MAST1: variants seen among roughly 807,000 people sequenced by gnomAD.
MAST1 encodes the protein microtubule-associated serine/threonine-protein kinase 1.
A neutral mutation model predicts 124.6 loss-of-function variants in MAST1; 40 were observed. The ratio of observed to expected loss-of-function variants is 0.32; its 90% CI spans 0.25 to 0.42. The LOEUF is 0.42. MAST1 is among the 10% of genes least tolerant of loss of function. MAST1 has a pLI of 1.00. For missense variants in MAST1, 1,558 were observed against 2,181.9 expected, an observed-to-expected ratio of 0.71 and a Z score of 5.70; for synonymous variants, 938 against 939.4, an observed-to-expected ratio of 1.00 and a Z score of 0.03.
At chr19:12,855,291 G>A (rs566250254) in intron 10 of MAST1, among the ~76,000 whole-genome samples, 1 of 152,138 alleles carries the variant, frequency 6.6e-6, no homozygotes, top group East Asian at 1.9e-4. Flanking sequence ...AAAGATTTTT[G>A]CTTCAAAATC....
chr19:12,861,652 ATTG>A (rs1355794524), intron 12 of MAST1, among the ~76,000 whole-genome samples: 2 of 147,644 alleles, frequency 1.4e-5, no homozygotes, highest in Non-Finnish European at 3.0e-5. Flanking sequence ...TCACTGGAGC[ATTG>A]TTGTTTTTTT....
At position 12,873,511 on chromosome 19, in the gene MAST1, G is replaced by C; in HGVS notation, c.3451G>C (p.Gly1151Arg). 1 of 1,601,066 alleles carries C rather than the reference G, an allele frequency of 6.2e-7. No individual in the cohort carries two copies. Among genetic ancestry groups the C allele is most frequent in the Non-Finnish European group, 8.5e-7 (1 of 1,176,170 alleles). Residue 1151 changes from glycine (G) to arginine (R), a missense_variant and splice_region_variant, in exon 25 of 26, where the codon GGC (glycine) becomes CGC (arginine). By Grantham distance (125) the Gly-to-Arg change is moderately radical. This residue lies in a region of MAST1 where 291 missense variants were observed against 475.8 expected (regional missense o/e 0.61). Transcript: ENST00000251472. ...CTCCACGCCTGACTCCGCCTACCTA[G>C]GTATTACCTCCTGCACCTGCGCGGG... The part of the protein sequence containing the change: ...YRSTPDSAYL[G>R]ASSQSSSPAS...
chr19:12,869,093 C>T lies in MAST1; in HGVS notation c.2801C>T (p.Ala934Val). 6.2e-7 allele frequency: 1 copy of T among 1,614,194 alleles called. No individual in the cohort carries two copies. Among genetic ancestry groups the T allele is most frequent in the Non-Finnish European group, 8.5e-7 (1 of 1,180,018 alleles). ...AVDPHGSSPL[A>V]SPMSPRSLSS... The stretch of plus-strand genomic sequence containing the variant: ...GACCCACATGGAAGTTCACCCCTTG[C>T]TAGTCCCATGTCTCCACGATCTCTG... The change falls in exon 22 of 26, where the codon GCT (alanine) becomes GTT (valine). Residue 934 changes from alanine (A) to valine (V), a missense_variant. Ala to Val is a moderately conservative substitution (Grantham distance 64). Around this residue, in one of 10 missense-constraint regions of MAST1, gnomAD observed 291 missense variants for 475.8 expected, o/e 0.61. Coordinates refer to ENST00000251472, the MANE Select transcript of MAST1 (RefSeq NM_014975.3).
intron 12 of MAST1, among the ~76,000 whole-genome samples, chr19:12,860,742 C>G (rs553786867): frequency 6.6e-6 from 1 of 152,018 alleles, no homozygotes; most frequent in African/African-American, 2.4e-5. Context: ...CCATAGCTTG[C>G]GGCCCATATA....
rs1028777107 is a variant in MAST1, at chr19:12,852,083, C to G, written c.877-32C>G. On this transcript the variant is annotated intron_variant, in intron 8 of 25. Transcript: ENST00000251472. ...GGGGTGGGTTGGTAGACCCTGGGAG[C>G]CTGTGGTGAGCCCACTCCTGCCCTG... 8 of 1,613,356 alleles carry G rather than the reference C, an allele frequency of 5.0e-6. No individual in the cohort carries two copies. In the African/African-American group the frequency reaches 5.3e-5, roughly 11 times the overall value.
At position 12,873,822 on chromosome 19, in the gene MAST1, C is replaced by G; in HGVS notation, c.3665C>G (p.Pro1222Arg). The G allele has an allele frequency of 6.3e-7, 1 of 1,593,206 alleles. No individual in the cohort carries two copies. The change falls in exon 26 of 26, where the codon CCG (proline) becomes CGG (arginine). Residue 1222 changes from proline to arginine, a missense_variant. Around this residue, in one of 10 missense-constraint regions of MAST1, gnomAD observed 291 missense variants for 475.8 expected, o/e 0.61. Transcript: ENST00000251472. ...ACGCAGGCGTCACCGCCGCCACTGC[C>G]GGGCCACACGGTGGGCAGCTCGCAC... Reference protein sequence around the residue: ...SPTQASPPPLPGHTVGSSHTT... With the variant: ...SPTQASPPPLRGHTVGSSHTT...
At chr19:12,857,483 C>T (rs918601150) in intron 10 of MAST1, among the ~76,000 whole-genome samples, 6 of 151,526 alleles carry the variant, frequency 4.0e-5, no homozygotes, top group African/African-American at 1.5e-4. Context: ...ATGATCTCTG[C>T]TCACTGCAAG....
Position 12,865,177 on chromosome 19 carries a change from A to T in MAST1, c.1637A>T (p.Gln546Leu). 6.2e-7 allele frequency: 1 copy of T among 1,613,734 alleles called. No homozygotes were observed. Among genetic ancestry groups the T allele is most frequent in the Non-Finnish European group, 8.5e-7 (1 of 1,179,834 alleles). ...EKDAREFLDK[Q>L]VCGTPEYIAP... ...GACGCCCGAGAGTTCCTGGACAAAC[A>T]GGTGTGTGTGCGGGCATGGGGGTCG... is the stretch of plus-strand genomic sequence containing the variant. The change falls in exon 14 of 26, where the codon CAG becomes CTG. Residue 546 changes from glutamine (Q) to leucine (L), a missense_variant and splice_region_variant. Physicochemically the swap from Gln to Leu is moderately radical, Grantham distance 113 (BLOSUM62 -2). Coordinates refer to ENST00000251472, the MANE Select transcript of MAST1 (RefSeq NM_014975.3). This position sits in a 1 kb window ranked among gnomAD's most constrained non-coding sequence, Gnocchi z 7.1.
At chr19:12,839,080 G>A (rs1435038495) in intron 1 of MAST1, among the ~76,000 whole-genome samples, 1 of 152,036 alleles carries the variant, frequency 6.6e-6, no homozygotes, top group East Asian at 1.9e-4. Context: ...GGGGACGGAC[G>A]GAGGGGCTTG....
intron 1 of MAST1, 101 bp from the exon 2 acceptor site, chr19:12,840,345 G>A (rs1168391248): frequency 2.7e-6 from 2 of 753,590 alleles, no homozygotes; most frequent in East Asian, 2.7e-5. Context: ...ACACATGGAT[G>A]GGAGATAGGC....
Position 12,841,044 on chromosome 19 carries a change from T to G in MAST1, c.226T>G (p.Phe76Val). The change falls in exon 3 of 26, where the codon TTC becomes GTC. Residue 76 changes from phenylalanine (F) to valine (V), a missense_variant. Phe to Val is a conservative substitution (Grantham distance 50, BLOSUM62 -1). This residue lies in a region of MAST1 where 57 missense variants were observed against 35.3 expected (regional missense o/e 1.62). Coordinates refer to ENST00000251472, the MANE Select transcript of MAST1 (RefSeq NM_014975.3). This position sits in a 1 kb window ranked among gnomAD's most constrained non-coding sequence, Gnocchi z 4.3. ...RNFSPNTPAH[F>V]SFASSRRADG... ...CTTCTCCCCCAACACCCCCGCCCAC[T>G]TCTCGTTTGCCTCCTCCCGAAGGTG... 1 of 1,386,014 alleles carries G rather than the reference T, an allele frequency of 7.2e-7. No individual in the cohort carries two copies. 85.9% of individuals were successfully genotyped at this position (1,386,014 alleles called of 1,614,324 possible).
intron 7 of MAST1, among the ~76,000 whole-genome samples, chr19:12,850,513 A>G (rs561994103): frequency 2.2e-4 from 34 of 152,352 alleles, no homozygotes; most frequent in African/African-American, 7.9e-4. Flanking sequence ...TTAAGTTTAC[A>G]TATTTTATTT....
At chr19:12,860,622 T>C (rs1970069029) in intron 12 of MAST1, among the ~76,000 whole-genome samples, 1 of 151,408 alleles carries the variant, frequency 6.6e-6, no homozygotes, top group South Asian at 2.1e-4. Flanking sequence ...TTTTTTGTAT[T>C]TTTAGTAGAA....
chr19:12,862,589 TGTG>T (rs1278760782), intron 12 of MAST1, among the ~76,000 whole-genome samples: 1 of 152,118 alleles, frequency 6.6e-6, no homozygotes, highest in Middle Eastern at 3.4e-3. Flanking sequence ...GCAGAACACT[TGTG>T]GTCAAGAGTC....
chr19:12,872,012 G>A (rs1970242209), intron 24 of MAST1, among the ~76,000 whole-genome samples: 1 of 151,984 alleles, frequency 6.6e-6, no homozygotes, highest in Admixed American at 6.6e-5. Context: ...AAGCATTGTA[G>A]GAGGGTCTTG....
intron 2 of MAST1, 81 bp from the exon 3 acceptor site, chr19:12,840,910 A>G (rs1454818960): frequency 2.6e-6 from 2 of 782,398 alleles, no homozygotes; most frequent in Non-Finnish European, 4.8e-6. Context: ...GGACTAGACT[A>G]AAGACAGGAC....
intron 7 of MAST1, among the ~76,000 whole-genome samples, chr19:12,850,132 T>C (rs1048703937): frequency 1.4e-4 from 21 of 152,146 alleles, no homozygotes; most frequent in African/African-American, 5.1e-4. Context: ...ACTATGGGCC[T>C]GGCACTAGCC....
chr19:12,847,536 G>A lies in MAST1; in HGVS notation c.489-76G>A. 1.2e-6 allele frequency: 2 copies of A among 1,612,746 alleles called. No individual in the cohort carries two copies. The highest frequency in any genetic ancestry group is 2.2e-5 in the East Asian group (1 of 44,850). On this transcript the variant is annotated intron_variant, in intron 5 of 25. Coordinates refer to ENST00000251472, the MANE Select transcript of MAST1 (RefSeq NM_014975.3). The surrounding 1 kb of genome is among the most constrained non-coding windows in gnomAD (Gnocchi z 5.5). Reference sequence around the variant, plus strand: ...AGACCCCTGTCCCCGCGAATAAAAGGGTTACATCTTGGGGCGGGGGCTCTC... The same window carrying A: ...AGACCCCTGTCCCCGCGAATAAAAGAGTTACATCTTGGGGCGGGGGCTCTC...
intron 22 of MAST1, among the ~76,000 whole-genome samples, chr19:12,869,626 C>T (rs1450678468): frequency 1.3e-5 from 2 of 151,880 alleles, no homozygotes; most frequent in African/African-American, 4.8e-5. Flanking sequence ...TTAGTAGAGA[C>T]GGGGTTTCAC....
Sources: allele counts gnomAD v4.1 joint callset (sites outside exome capture counted in the v4.1 genomes callset), GRCh38; gene constraint gnomAD v4.1.1; regional missense constraint gnomAD v4.1.1; non-coding constraint Gnocchi (gnomAD v3.1); transcripts MANE v1.5; gene names NCBI Gene and HGNC (gene_info 2026-07-23, HGNC 2026-07-21).